Variants in CACNG2 observed in about 807,000 individuals in gnomAD.
The protein encoded by CACNG2 is calcium voltage-gated channel auxiliary subunit gamma 2, also known as voltage-dependent calcium channel gamma-2 subunit.
CACNG2 carries 3 observed loss-of-function variants against 25.9 expected under a neutral mutation model. That is an observed-to-expected ratio of 0.12 (90% CI 0.05 to 0.30). CACNG2 has a LOEUF of 0.30. Ranked by LOEUF, CACNG2 falls within the 10% of genes least tolerant of loss-of-function variation. CACNG2 has a pLI of 1.00. For synonymous variants in CACNG2, 167 were observed against 173.3 expected, an observed-to-expected ratio of 0.96 and a Z score of 0.29; for missense variants, 341 against 432.5, an observed-to-expected ratio of 0.79 and a Z score of 1.88.
rs1027052276 is a variant in CACNG2, at chr22:36,606,358, G to A, written c.212-18810C>T. On this transcript the variant is annotated intron_variant, in intron 1 of 3. Transcript: ENST00000300105. This position sits in a 1 kb window ranked among gnomAD's most constrained non-coding sequence, Gnocchi z 5.7. ...TTACAACAAGCCTGTTGAGGTGGAC[G>A]CTATTAGTCTCCGTACATTAGAGAT... Among the ~76,000 whole-genome samples the A allele has an allele frequency of 6.6e-6, 1 of 152,204 alleles. No homozygotes were observed. Among genetic ancestry groups the A allele is most frequent in the Non-Finnish European group, 1.5e-5 (1 of 68,038 alleles).
intron 1 of CACNG2, among the ~76,000 whole-genome samples, chr22:36,591,649 G>A (rs998022050): frequency 3.3e-5 from 5 of 152,116 alleles, no homozygotes; most frequent in Admixed American, 2.6e-4. Flanking sequence ...CTCCAGTCTG[G>A]TGACAGAGCA....
At chr22:36,581,471 G>C (rs1488723082) in intron 2 of CACNG2, among the ~76,000 whole-genome samples, 1 of 152,214 alleles carries the variant, frequency 6.6e-6, no homozygotes, top group Non-Finnish European at 1.5e-5. Flanking sequence ...AGCGCGGTGA[G>C]CCCCACCATC....
chr22:36,564,739 A>G lies in CACNG2; in HGVS notation c.584T>C (p.Val195Ala). The G allele has an allele frequency of 1.9e-6, 3 of 1,614,122 alleles. No individual in the cohort carries two copies. The highest frequency in any genetic ancestry group is 2.5e-6 in the Non-Finnish European group (3 of 1,180,012). The change falls in exon 4 of 4, where the codon GTG becomes GCG. Residue 195 changes from valine (V) to alanine (A), a missense_variant. By Grantham distance (64) the Val-to-Ala change is moderately conservative. Coordinates refer to ENST00000300105, the MANE Select transcript of CACNG2 (RefSeq NM_006078.5). This position sits in a 1 kb window ranked among gnomAD's most constrained non-coding sequence, Gnocchi z 6.7. ...GTCGATAAACATGTGCACCGCCAGC[A>G]CCCCGACCATCTCGGCGATGATGAA... The part of the protein sequence containing the change: ...LSFIIAEMVG[V>A]LAVHMFIDRH...
rs965957733 is a variant in CACNG2, at chr22:36,566,047, C to T, written c.436+306G>A. Among the ~76,000 whole-genome samples the T allele has an allele frequency of 5.3e-5, 8 of 152,170 alleles. No individual in the cohort carries two copies. The East Asian group carries it at 7.7e-4, about 15-fold the overall frequency. On this transcript the variant is annotated intron_variant, in intron 3 of 3. Transcript: ENST00000300105. Reference sequence around the variant, plus strand: ...AGCCTCCTCATGGGTTTACTTGCACCGGGAAGGGAAAGGGTAAGTGGCAAT... The same window carrying T: ...AGCCTCCTCATGGGTTTACTTGCACTGGGAAGGGAAAGGGTAAGTGGCAAT...
chr22:36,617,346 A>G (rs738975), intron 1 of CACNG2, among the ~76,000 whole-genome samples: 107,108 of 151,906 alleles, frequency 0.71, 38,174 homozygotes, highest in East Asian at 0.82. Context: ...ATGTATGTTA[A>G]TTCAGAGGGC....
chr22:36,638,885 T>C (rs1446952775), intron 1 of CACNG2, among the ~76,000 whole-genome samples: 1 of 152,252 alleles, frequency 6.6e-6, no homozygotes, highest in African/African-American at 2.4e-5. Flanking sequence ...TAAGTGCATG[T>C]GAGCATATTT....
intron 1 of CACNG2, among the ~76,000 whole-genome samples, chr22:36,656,689 G>A (rs111272207): frequency 0.024 from 3,671 of 152,284 alleles, 136 homozygotes; most frequent in African/African-American, 0.083. Context: ...TGCTCCAGGG[G>A]CCTTGGCCTC....
intron 1 of CACNG2, among the ~76,000 whole-genome samples, chr22:36,674,666 A>G (rs1430932095): frequency 6.6e-6 from 1 of 152,200 alleles, no homozygotes; most frequent in African/African-American, 2.4e-5. Context: ...TCCCCATTTT[A>G]CAGATGAGGA....
intron 1 of CACNG2, among the ~76,000 whole-genome samples, chr22:36,652,505 T>C (rs1281039671): frequency 6.6e-6 from 1 of 152,222 alleles, no homozygotes; most frequent in African/African-American, 2.4e-5. Context: ...TTTTAGGTCT[T>C]GCTCACCCTC....
At chr22:36,645,536 C>CAAAAAAAAAAAAAAAAA (rs200600420) in intron 1 of CACNG2, among the ~76,000 whole-genome samples, 10 of 134,760 alleles carry the variant, frequency 7.4e-5, no homozygotes, top group African/African-American at 2.5e-4. Flanking sequence ...GACTCTGTCT[C>CAAAAAAAAAAAAAAAAA]AAAAAAAAAA....
intron 1 of CACNG2, among the ~76,000 whole-genome samples, chr22:36,671,384 A>G (rs1601447574): frequency 1.3e-5 from 2 of 152,356 alleles, no homozygotes; most frequent in East Asian, 3.9e-4. Flanking sequence ...TTTGACTCCC[A>G]GAATTGTTCC....
chr22:36,574,445 T>C (rs1022108269), intron 2 of CACNG2, among the ~76,000 whole-genome samples: 12 of 152,118 alleles, frequency 7.9e-5, no homozygotes, highest in African/African-American at 2.9e-4. Flanking sequence ...AAAAAACCAC[T>C]TAGGGGGACT....
intron 2 of CACNG2, among the ~76,000 whole-genome samples, chr22:36,577,679 C>G (rs1481797300): frequency 1.4e-5 from 2 of 148,026 alleles, no homozygotes; most frequent in Non-Finnish European, 3.0e-5. Context: ...AAGAAATGAA[C>G]TAGGACAGAA....
At position 36,561,344 on chromosome 22, in the gene CACNG2, G is replaced by A. The variant is rs1030240811; in HGVS notation, c.*3007C>T. On this transcript the variant is annotated 3_prime_UTR_variant, in exon 4 of 4. Transcript: ENST00000300105. ...TCCCTTTAGGTCTGGAATCTGGTGG[G>A]ATGGCGGGCAAGATTGGGGTGGGAG... 6.6e-6 allele frequency: 1 copy of A among 152,298 alleles called. No homozygotes were observed. The highest frequency in any genetic ancestry group is 2.4e-5 in the African/African-American group (1 of 41,438). The allele number at this position is 152,298 out of a possible 1,614,324, so 9.4% of individuals were successfully genotyped here.
chr22:36,685,539 C>A (rs1436072801), intron 1 of CACNG2, among the ~76,000 whole-genome samples: 1 of 152,212 alleles, frequency 6.6e-6, no homozygotes, highest in Non-Finnish European at 1.5e-5. Context: ...CACGTTCTGC[C>A]TCTGGCCATG....
chr22:36,604,359 A>G (rs1349047708), intron 1 of CACNG2, among the ~76,000 whole-genome samples: 1 of 152,252 alleles, frequency 6.6e-6, no homozygotes. Flanking sequence ...CATCACTGAA[A>G]TGATGATAAA....
At chr22:36,576,019 T>C (rs1249310394) in intron 2 of CACNG2, among the ~76,000 whole-genome samples, 26 of 152,248 alleles carry the variant, frequency 1.7e-4, no homozygotes. Context: ...CCTTCCACGC[T>C]GTGCTGGCTG....
chr22:36,690,933 C>T (rs1205820860), intron 1 of CACNG2, among the ~76,000 whole-genome samples: 1 of 152,244 alleles, frequency 6.6e-6, no homozygotes, highest in Non-Finnish European at 1.5e-5. Context: ...GATGGGGCCT[C>T]TGCCCAATCT....
intron 1 of CACNG2, among the ~76,000 whole-genome samples, chr22:36,636,209 T>A (rs953357088): frequency 2.6e-5 from 4 of 152,140 alleles, no homozygotes; most frequent in African/African-American, 9.7e-5. Flanking sequence ...TCCCATTCTA[T>A]CCCTTTCCAC....
Sources: gnomAD v4.1 joint callset for allele counts (sites outside exome capture counted in the v4.1 genomes callset) on GRCh38, gnomAD v4.1.1 for gene constraint, Gnocchi (gnomAD v3.1) non-coding constraint, MANE v1.5 for transcripts, NCBI Gene and HGNC (gene_info 2026-07-23, HGNC 2026-07-21) for gene names.